Variants in C12orf54 observed in about 807,000 individuals in gnomAD.
C12orf54 encodes chromosome 12 open reading frame 54.
A neutral mutation model predicts 26.4 loss-of-function variants in C12orf54; 24 were observed. That is an observed-to-expected ratio of 0.91 (90% CI 0.66 to 1.28). The LOEUF (loss-of-function observed/expected upper bound fraction) is 1.28, where lower values mean the gene tolerates loss of function less well. C12orf54 is among the 50% of genes most tolerant of loss of function. The pLI is 0.00. For synonymous variants in C12orf54, 54 were observed against 47.0 expected (o/e 1.15, Z -0.61); for missense variants, 154 against 150.9 (o/e 1.02, Z -0.11).
At chr12:48,415,961 A>G in the C12orf54 span, among the ~76,000 whole-genome samples, 1 of 152,180 alleles carries the variant, frequency 6.6e-6, no homozygotes, top group Admixed American at 6.5e-5. Flanking sequence ...ATGATGTACC[A>G]TCATCTACTC....
chr12:48,489,366 T>C (rs1023354950), intron 5 of C12orf54: 4 of 316,632 alleles, frequency 1.3e-5, no homozygotes, highest in African/African-American at 6.5e-5. Context: ...TAAATAGAAA[T>C]AAAACCTCTT....
At chr12:48,467,007 A>G in the C12orf54 span, among the ~76,000 whole-genome samples, 8 of 152,300 alleles carry the variant, frequency 5.3e-5, no homozygotes, top group Non-Finnish European at 1.2e-4. Flanking sequence ...CCCCTCCCCA[A>G]CAGATGTTCA....
chr12:48,482,930 TC>T (rs1006992431), intron 1 of C12orf54, among the ~76,000 whole-genome samples: 1 of 146,288 alleles, frequency 6.8e-6, no homozygotes, highest in Admixed American at 6.7e-5. Context: ...TCACTTAGAT[TC>T]TCTCTTTTTT....
chr12:48,488,340 C>T, intron 4 of C12orf54: 1 of 514,584 alleles, frequency 1.9e-6, no homozygotes, highest in South Asian at 1.7e-5. Context: ...GAATGCTGTG[C>T]CCCCTGGTGC....
chr12:48,490,897 G>C, intron 6 of C12orf54, 61 bp downstream of exon 6: 1 of 1,570,526 alleles, frequency 6.4e-7, no homozygotes, highest in Non-Finnish European at 8.8e-7. Context: ...TGGAATTCAA[G>C]TCTCATTGTA....
the C12orf54 span, among the ~76,000 whole-genome samples, chr12:48,421,776 C>T: frequency 1.1e-3 from 166 of 152,068 alleles, 1 homozygote; most frequent in Admixed American, 1.8e-3. Context: ...GTGATCCACC[C>T]GCCTCAGCCT....
At chr12:48,485,848 G>A (rs931098895) in intron 2 of C12orf54, among the ~76,000 whole-genome samples, 8 of 152,192 alleles carry the variant, frequency 5.3e-5, no homozygotes, top group Non-Finnish European at 1.2e-4. Flanking sequence ...CAGGTTAGGC[G>A]GGGTGAAGGG....
At chr12:48,451,729 T>C in the C12orf54 span, among the ~76,000 whole-genome samples, 2 of 151,986 alleles carry the variant, frequency 1.3e-5, no homozygotes, top group Non-Finnish European at 2.9e-5. Flanking sequence ...CACAATGAAC[T>C]CCCATTCACA....
At chr12:48,460,574 T>G in the C12orf54 span, among the ~76,000 whole-genome samples, 4 of 152,296 alleles carry the variant, frequency 2.6e-5, no homozygotes, top group Middle Eastern at 3.4e-3. Flanking sequence ...ATCTTTTTAT[T>G]TTAATGATAA....
chr12:48,471,012 T>A, the C12orf54 span, among the ~76,000 whole-genome samples: 1 of 152,162 alleles, frequency 6.6e-6, no homozygotes, highest in Non-Finnish European at 1.5e-5. Flanking sequence ...TACAATTAAG[T>A]TATTTTTATT....
chr12:48,434,087 C>T, the C12orf54 span, among the ~76,000 whole-genome samples: 3 of 152,214 alleles, frequency 2.0e-5, no homozygotes, highest in Non-Finnish European at 4.4e-5. Context: ...TTCCAATGGG[C>T]TTAACAAACG....
At chr12:48,458,643 C>T in the C12orf54 span, among the ~76,000 whole-genome samples, 4 of 151,982 alleles carry the variant, frequency 2.6e-5, no homozygotes, top group African/African-American at 9.7e-5. Flanking sequence ...TAAATGTTTA[C>T]AAAATATTAG....
chr12:48,465,980 T>G, the C12orf54 span, among the ~76,000 whole-genome samples: 1 of 152,188 alleles, frequency 6.6e-6, no homozygotes, highest in Non-Finnish European at 1.5e-5. Flanking sequence ...ATTCTGAAAT[T>G]ATGAAACTTC....
the C12orf54 span, among the ~76,000 whole-genome samples, chr12:48,433,638 G>A: frequency 6.6e-5 from 10 of 152,070 alleles, no homozygotes; most frequent in East Asian, 3.9e-4. Flanking sequence ...TAGTAGAGAC[G>A]GGGTTTCACC....
At chr12:48,495,033 G>T in intron 8 of C12orf54, 54 bp downstream of exon 8, 1 of 1,392,314 alleles carries the variant, frequency 7.2e-7, no homozygotes, top group Non-Finnish European at 9.9e-7. Flanking sequence ...ATCTGTGGTA[G>T]TCAGGAACCC....
chr12:48,421,471 A>T, the C12orf54 span, among the ~76,000 whole-genome samples: 3 of 127,450 alleles, frequency 2.4e-5, no homozygotes, highest in Admixed American at 8.4e-5. Flanking sequence ...ATGAGATGAG[A>T]TTTCGGTAGG....
At chr12:48,426,829 G>A in the C12orf54 span, among the ~76,000 whole-genome samples, 3 of 151,784 alleles carry the variant, frequency 2.0e-5, no homozygotes. Context: ...TAGGTATTTT[G>A]TTTTTGTGGT....
At chr12:48,421,460 C>A in the C12orf54 span, among the ~76,000 whole-genome samples, 1 of 142,078 alleles carries the variant, frequency 7.0e-6, no homozygotes, top group Non-Finnish European at 1.5e-5. Context: ...TACAGTTGAA[C>A]ATGAGATGAG....
the C12orf54 span, among the ~76,000 whole-genome samples, chr12:48,468,364 G>A: frequency 6.6e-6 from 1 of 152,168 alleles, no homozygotes; most frequent in African/African-American, 2.4e-5. Flanking sequence ...GGTGGAGTGG[G>A]CAGGAATGAT....
Sources: allele counts gnomAD v4.1 joint callset (sites outside exome capture counted in the v4.1 genomes callset), GRCh38; gene constraint gnomAD v4.1.1; transcripts MANE v1.5; gene names NCBI Gene and HGNC (gene_info 2026-07-23, HGNC 2026-07-21).